The following NPIPB4 variants were observed in gnomAD, a reference collection of about 807,000 sequenced individuals.
NPIPB4 encodes nuclear pore complex-interacting protein family member B4.
For synonymous variants in NPIPB4, 31 were observed against 194.1 expected, an observed-to-expected ratio of 0.16 and a Z score of 6.99; for missense variants, 105 against 513.7, an observed-to-expected ratio of 0.20 and a Z score of 7.69.
At chr16:21,841,978 T>C (rs1475951624) in intron 5 of NPIPB4, among the ~76,000 whole-genome samples, 2 of 151,696 alleles carry the variant, frequency 1.3e-5, no homozygotes, top group African/African-American at 4.8e-5. Flanking sequence ...GGAAATACCC[T>C]GGCCTTTGTA....
chr16:21,840,668 C>T, intron 5 of NPIPB4: 1 of 528,376 alleles, frequency 1.9e-6, no homozygotes, highest in Non-Finnish European at 2.4e-6. Flanking sequence ...CTTCATAGTT[C>T]CATAGTTAGT....
At chr16:21,850,330 T>C (rs1314654141) in intron 2 of NPIPB4, among the ~76,000 whole-genome samples, 3 of 149,138 alleles carry the variant, frequency 2.0e-5, no homozygotes, top group Non-Finnish European at 4.5e-5. Flanking sequence ...GTGTATGTAC[T>C]TTCCAAAGTT....
At chr16:21,841,240 T>TA (rs1901753026) in intron 5 of NPIPB4, among the ~76,000 whole-genome samples, 1 of 142,940 alleles carries the variant, frequency 7.0e-6, no homozygotes, top group Non-Finnish European at 1.5e-5. Context: ...ACCACTTGAT[T>TA]CATGGTCCTG....
intron 2 of NPIPB4, chr16:21,851,216 G>A: frequency 2.4e-5 from 4 of 168,820 alleles, no homozygotes; most frequent in South Asian, 1.4e-4. Context: ...CTTAGGGCAG[G>A]GGGGAGGGAA....
rs780725315 is a variant in NPIPB4, at chr16:21,836,528, G to T, written c.1859C>A (p.Thr620Lys). 3.4e-6 allele frequency: 5 copies of T among 1,470,962 alleles called. No individual in the cohort carries two copies. Among genetic ancestry groups the T allele is most frequent in the Non-Finnish European group, 4.5e-6 (5 of 1,113,632 alleles). 91.1% of individuals were successfully genotyped at this position (1,470,962 alleles called of 1,614,324 possible). ...CATCCGCTGAGGGTGGAAGGCAGGT[G>T]TCTTGATGTTATCATCTGCTGAGGG... ...APPSADDNIK[T>K]PAFHPQRMII... The change falls in exon 8 of 8, where the codon ACA becomes AAA. Residue 620 changes from threonine (T) to lysine (K), a missense_variant. Thr to Lys is a moderately conservative substitution (Grantham distance 78, BLOSUM62 -1). Transcript: ENST00000682606.
chr16:21,850,079 T>C (rs754606100), intron 2 of NPIPB4, among the ~76,000 whole-genome samples: 126 of 92,578 alleles, frequency 1.4e-3, no homozygotes, highest in Non-Finnish European at 2.5e-3. Flanking sequence ...CTGACCAACA[T>C]GGAGAAACCC....
At chr16:21,856,263 G>T (rs1481222272) in intron 2 of NPIPB4, among the ~76,000 whole-genome samples, 2 of 10,060 alleles carry the variant, frequency 2.0e-4, no homozygotes, top group Non-Finnish European at 3.1e-4. Context: ...GGGGGACAGA[G>T]TGAAACTCTG....
chr16:21,851,222 G>A (rs1181171462), intron 2 of NPIPB4: 1 of 175,186 alleles, frequency 5.7e-6, no homozygotes, highest in Non-Finnish European at 9.5e-6. Flanking sequence ...GCAGGGGGGA[G>A]GGAAGGGGAC....
At chr16:21,843,061 G>A (rs1424399339) in intron 5 of NPIPB4, among the ~76,000 whole-genome samples, 1 of 85,110 alleles carries the variant, frequency 1.2e-5, no homozygotes, top group African/African-American at 4.7e-5. Flanking sequence ...AACCCAAAAG[G>A]CAGTGAGCTG....
intron 2 of NPIPB4, among the ~76,000 whole-genome samples, chr16:21,849,446 C>CCAA (rs1902301617): frequency 2.4e-4 from 1 of 4,148 alleles, no homozygotes; most frequent in African/African-American, 1.2e-3. Context: ...GACTCTGTCT[C>CCAA]AAAAAAAAAA....
chr16:21,840,676 A>T, intron 5 of NPIPB4: 1 of 483,188 alleles, frequency 2.1e-6, no homozygotes, highest in Non-Finnish European at 2.6e-6. Flanking sequence ...TTCCATAGTT[A>T]GTCCTATTCT....
At chr16:21,849,036 TTC>T (rs1902262709) in intron 2 of NPIPB4, among the ~76,000 whole-genome samples, 1 of 20,936 alleles carries the variant, frequency 4.8e-5, no homozygotes, top group East Asian at 7.2e-4. Context: ...TAAATAATAC[TTC>T]TCTCTTGGAT....
chr16:21,850,641 C>A (rs1902440701), intron 2 of NPIPB4, among the ~76,000 whole-genome samples: 2 of 59,198 alleles, frequency 3.4e-5, no homozygotes. Flanking sequence ...CACTGCACTC[C>A]AGCCTGGGCG....
intron 5 of NPIPB4, among the ~76,000 whole-genome samples, chr16:21,840,477 T>G (rs1308712664): frequency 6.7e-6 from 1 of 149,312 alleles, no homozygotes; most frequent in Non-Finnish European, 1.5e-5. Context: ...CCAGCCCGTG[T>G]GGGATTCCCT....
intron 2 of NPIPB4, among the ~76,000 whole-genome samples, chr16:21,850,003 T>TTAAAAAA (rs1194565090): frequency 9.4e-5 from 2 of 21,360 alleles, no homozygotes; most frequent in Admixed American, 5.2e-4. Flanking sequence ...GGTTCACGCC[T>TTAAAAAA]GTAATCCCAA....
rs1257434494 is a variant in NPIPB4 at position 21,841,901 on chromosome 16, C to T, written c.545+1485G>A. 3.3e-5 allele frequency among the ~76,000 whole-genome samples: 5 copies of T among 151,498 alleles called. 1 individual carries two copies. The East Asian group carries it at 9.7e-4, about 29-fold the overall frequency. Reference sequence around the variant, plus strand: ...ATTGAGGGTCTGCCAATGAAAGCGACCCATACTGAAGTCCGCTGGCTCTGG... The same window carrying T: ...ATTGAGGGTCTGCCAATGAAAGCGATCCATACTGAAGTCCGCTGGCTCTGG... On this transcript the variant is annotated intron_variant, in intron 5 of 7. Transcript: ENST00000682606.
Position 21,837,232 on chromosome 16 carries a change from G to C in NPIPB4, c.1155C>G (p.Leu385=). 5 of 874,754 alleles carry C rather than the reference G, an allele frequency of 5.7e-6. No homozygotes were observed. Among genetic ancestry groups the C allele is most frequent in the Non-Finnish European group, 6.1e-6 (4 of 652,708 alleles). 54.2% of individuals were successfully genotyped at this position (874,754 alleles called of 1,614,324 possible). The change falls in exon 8 of 8, where the codon CTC becomes CTG. Residue 385 remains leucine, a synonymous_variant. Coordinates refer to ENST00000682606, the MANE Select transcript of NPIPB4 (RefSeq NM_001384980.1). ...TGAGCTGACGCTCGGAAGGTGTCTT[G>C]AGATTATCATCCGCTGAGGGTGGAA... ...HPLPPSADDN[L]KTPSERQLTP...
At chr16:21,840,475 T>C (rs1372501105) in intron 5 of NPIPB4, among the ~76,000 whole-genome samples, 2 of 149,158 alleles carry the variant, frequency 1.3e-5, no homozygotes, top group African/African-American at 4.9e-5. Context: ...CACCAGCCCG[T>C]GTGGGATTCC....
intron 5 of NPIPB4, among the ~76,000 whole-genome samples, chr16:21,842,855 C>T (rs1414888658): frequency 1.3e-4 from 9 of 67,956 alleles, no homozygotes; most frequent in African/African-American, 5.4e-5. Context: ...AAAAGGCTGG[C>T]TGTGGTGGCT....
Sources: gnomAD v4.1 joint callset for allele counts (sites outside exome capture counted in the v4.1 genomes callset) on GRCh38, gnomAD v4.1.1 for gene constraint, MANE v1.5 for transcripts, NCBI Gene and HGNC (gene_info 2026-07-23, HGNC 2026-07-21) for gene names.